The following AUH variants were observed in gnomAD, a reference collection of about 807,000 sequenced individuals.
The protein encoded by AUH is AU RNA binding methylglutaconyl-CoA hydratase.
Under a neutral mutation model 42.3 loss-of-function variants are expected in AUH, and 29 were observed. The observed-to-expected ratio is 0.69, with a 90% CI of 0.51 to 0.93. The LOEUF is 0.93. Ranked by LOEUF, AUH falls within the 40% of genes least tolerant of loss-of-function variation. AUH has a pLI of 0.00. For synonymous variants in AUH, 174 were observed against 166.4 expected (o/e 1.05, Z -0.35); for missense variants, 452 against 438.1 (o/e 1.03, Z -0.28).
chr9:91,249,438 T>TAA (rs908916958), intron 6 of AUH, among the ~76,000 whole-genome samples: 2 of 151,774 alleles, frequency 1.3e-5, no homozygotes, highest in African/African-American at 4.8e-5. Flanking sequence ...CATCATCTTA[T>TAA]AAAGCCCTCT....
intron 3 of AUH, among the ~76,000 whole-genome samples, chr9:91,329,690 G>C (rs1363324834): frequency 6.6e-6 from 1 of 151,576 alleles, no homozygotes; most frequent in African/African-American, 2.4e-5. Flanking sequence ...TTTGTGTCTT[G>C]CCTTTCACTT....
intron 6 of AUH, among the ~76,000 whole-genome samples, chr9:91,232,481 G>A (rs548389654): frequency 3.4e-4 from 51 of 152,146 alleles, no homozygotes; most frequent in African/African-American, 1.1e-3. Flanking sequence ...CCTTCCTAGG[G>A]GTAGTAAATT....
intron 4 of AUH, among the ~76,000 whole-genome samples, chr9:91,318,727 G>A (rs1829347161): frequency 6.6e-6 from 1 of 152,192 alleles, no homozygotes; most frequent in Non-Finnish European, 1.5e-5. Context: ...CAATAATTCA[G>A]GATAAGCCAT....
chr9:91,322,794 A>C (rs1424567187), intron 4 of AUH, among the ~76,000 whole-genome samples: 1 of 152,184 alleles, frequency 6.6e-6, no homozygotes, highest in Non-Finnish European at 1.5e-5. Context: ...TGAATCCAGC[A>C]ATATATTTTA....
intron 4 of AUH, among the ~76,000 whole-genome samples, chr9:91,300,273 A>G (rs77219918): frequency 1.3e-5 from 2 of 152,050 alleles, no homozygotes; most frequent in South Asian, 2.1e-4. Context: ...ACTACCACCA[A>G]TGATTTCCAG....
rs199585967 is a variant in AUH at position 91,239,767 on chromosome 9, G to A, written c.656-18775C>T. ...CACGCACACACACACATGCACACAC[G>A]CACGCACAAGACAGAGGGCTATGTA... On this transcript the variant is annotated intron_variant, in intron 6 of 9. Coordinates refer to ENST00000375731, the MANE Select transcript of AUH (RefSeq NM_001698.3). Among the ~76,000 whole-genome samples the A allele has an allele frequency of 2.6e-5, 4 of 152,062 alleles. No homozygotes were observed. In the East Asian group the frequency reaches 7.8e-4, roughly 29 times the overall value.
intron 6 of AUH, among the ~76,000 whole-genome samples, chr9:91,270,529 A>G (rs1280913953): frequency 6.6e-6 from 1 of 152,204 alleles, no homozygotes; most frequent in African/African-American, 2.4e-5. Context: ...ACTTCTCAGT[A>G]TAAGTCTTCA....
At chr9:91,325,510 A>C (rs555713813) in intron 3 of AUH, 106 bp from the exon 4 acceptor site, 8 of 902,484 alleles carry the variant, frequency 8.9e-6, no homozygotes, top group Non-Finnish European at 1.1e-5. Flanking sequence ...GATCAGCCTA[A>C]TTCATCTTTT....
chr9:91,225,545 TTTA>T (rs530836913), intron 6 of AUH, among the ~76,000 whole-genome samples: 12 of 151,684 alleles, frequency 7.9e-5, no homozygotes, highest in East Asian at 5.8e-4. Context: ...GTTCTTTTTT[TTTA>T]TTATTATTAT....
At chr9:91,265,583 C>T (rs1052745126) in intron 6 of AUH, among the ~76,000 whole-genome samples, 2 of 152,120 alleles carry the variant, frequency 1.3e-5, no homozygotes, top group Non-Finnish European at 2.9e-5. Context: ...GGAGGGCCTC[C>T]TCCCTTAAGG....
chr9:91,282,569 T>C (rs991435798), intron 6 of AUH, among the ~76,000 whole-genome samples: 1 of 152,138 alleles, frequency 6.6e-6, no homozygotes, highest in Non-Finnish European at 1.5e-5. Flanking sequence ...TGGTAGGAGC[T>C]GAGGTCAGAG....
At chr9:91,288,300 T>C (rs530500974) in intron 6 of AUH, among the ~76,000 whole-genome samples, 17 of 152,200 alleles carry the variant, frequency 1.1e-4, no homozygotes, top group Non-Finnish European at 2.4e-4. Flanking sequence ...TCTGAACTTG[T>C]ATTTCATCCT....
intron 6 of AUH, among the ~76,000 whole-genome samples, chr9:91,288,490 TACG>T (rs1333544913): frequency 6.6e-6 from 1 of 152,142 alleles, no homozygotes; most frequent in African/African-American, 2.4e-5. Context: ...CCAATAAAAT[TACG>T]ACAAGGTTCT....
intron 6 of AUH, among the ~76,000 whole-genome samples, chr9:91,263,252 CTT>C (rs1352503454): frequency 1.3e-5 from 2 of 152,324 alleles, no homozygotes; most frequent in Non-Finnish European, 2.9e-5. Flanking sequence ...TCATCAATGA[CTT>C]AGTCTACCAG....
chr9:91,333,152 T>C (rs1418180595), intron 3 of AUH, among the ~76,000 whole-genome samples: 2 of 152,206 alleles, frequency 1.3e-5, no homozygotes, highest in Non-Finnish European at 1.5e-5. Flanking sequence ...TGGCTGAGAT[T>C]TTCCTCGGCC....
intron 4 of AUH, among the ~76,000 whole-genome samples, chr9:91,319,987 C>T (rs1244161679): frequency 6.6e-6 from 1 of 152,142 alleles, no homozygotes; most frequent in Non-Finnish European, 1.5e-5. Context: ...GCCCCTGGGT[C>T]GAATTCTTTC....
At chr9:91,341,703 G>A (rs1831114946) in intron 3 of AUH, among the ~76,000 whole-genome samples, 1 of 152,218 alleles carries the variant, frequency 6.6e-6, no homozygotes, top group Admixed American at 6.5e-5. Flanking sequence ...CACTGTTCTG[G>A]CAATAGGCCT....
rs116601760 is a variant in AUH, at chr9:91,256,950, T to C, written c.656-35958A>G. 3.0e-3 allele frequency among the ~76,000 whole-genome samples: 456 copies of C among 152,164 alleles called. 9 individuals are homozygous for C. The highest frequency in any genetic ancestry group is 0.011 in the African/African-American group (437 of 41,466). On this transcript the variant is annotated intron_variant, in intron 6 of 9. Transcript: ENST00000375731. ...CATAGGCTTAAAAAACATCAAAGCT[T>C]CTCTCTCCTTTTAAAATATCCCAAA...
intron 6 of AUH, among the ~76,000 whole-genome samples, chr9:91,274,742 T>G (rs1825413846): frequency 6.6e-6 from 1 of 152,196 alleles, no homozygotes; most frequent in Admixed American, 6.5e-5. Flanking sequence ...GATAAACATC[T>G]ACTAAACAGT....
Sources: gnomAD v4.1 joint callset for allele counts (sites outside exome capture counted in the v4.1 genomes callset) on GRCh38, gnomAD v4.1.1 for gene constraint, MANE v1.5 for transcripts, NCBI Gene and HGNC (gene_info 2026-07-23, HGNC 2026-07-21) for gene names.